The following NEGR1 variants were observed in gnomAD, a reference collection of about 807,000 sequenced individuals.
NEGR1 encodes the protein neuronal growth regulator 1, also known as IgLON family member 4.
NEGR1 carries 10 observed loss-of-function variants against 40.9 expected under a neutral mutation model. The observed-to-expected ratio is 0.24, with a 90% confidence interval of 0.15 to 0.42. The LOEUF (loss-of-function observed/expected upper bound fraction) is 0.42. Among genes scored for constraint, NEGR1 ranks in the 10% least tolerant of loss-of-function variants. The probability of loss-of-function intolerance (pLI) is 1.00; values close to 1 mark genes in which losing one functional copy is unlikely to be tolerated. For synonymous variants in NEGR1, 185 were observed against 166.8 expected, an observed-to-expected ratio of 1.11 and a Z score of -0.84; for missense variants, 352 against 438.9, an observed-to-expected ratio of 0.80 and a Z score of 1.77.
intron 1 of NEGR1, among the ~76,000 whole-genome samples, chr1:72,050,371 G>T (rs1647047545): frequency 6.6e-6 from 1 of 151,332 alleles, no homozygotes; most frequent in Non-Finnish European, 1.5e-5. Context: ...TTATAAAATT[G>T]TGTAACCTGC....
chr1:71,921,982 C>T (rs946334196), intron 2 of NEGR1, among the ~76,000 whole-genome samples: 5 of 151,914 alleles, frequency 3.3e-5, no homozygotes, highest in East Asian at 1.9e-4. Context: ...TTTTTACATA[C>T]GTGATGAAAG....
At chr1:71,441,309 T>C (rs1487495137) in intron 6 of NEGR1, among the ~76,000 whole-genome samples, 5 of 152,224 alleles carry the variant, frequency 3.3e-5, no homozygotes, top group Non-Finnish European at 5.9e-5. Context: ...CCCAATCTTT[T>C]AGCTTTCCTT....
chr1:71,503,361 T>C (rs1181375045), intron 6 of NEGR1, among the ~76,000 whole-genome samples: 1 of 152,018 alleles, frequency 6.6e-6, no homozygotes, highest in Admixed American at 6.6e-5. Flanking sequence ...AAGAGCCTAG[T>C]AAAAAGCCCT....
At chr1:71,694,666 G>A (rs1176259518) in intron 4 of NEGR1, among the ~76,000 whole-genome samples, 1 of 151,708 alleles carries the variant, frequency 6.6e-6, no homozygotes, top group Admixed American at 6.6e-5. Context: ...TATAGTGAAC[G>A]TGGAAGGTGT....
intron 6 of NEGR1, among the ~76,000 whole-genome samples, chr1:71,479,651 G>T (rs904746742): frequency 6.6e-6 from 1 of 151,814 alleles, no homozygotes; most frequent in Non-Finnish European, 1.5e-5. Flanking sequence ...AACTGTTTTC[G>T]CACCAATCCC....
At chr1:71,846,604 T>G (rs1557675315) in intron 2 of NEGR1, among the ~76,000 whole-genome samples, 1 of 152,174 alleles carries the variant, frequency 6.6e-6, no homozygotes, top group Non-Finnish European at 1.5e-5. Context: ...CTCTCTTTTC[T>G]TTACCACCCT....
intron 3 of NEGR1, among the ~76,000 whole-genome samples, chr1:71,706,431 G>A (rs1048652530): frequency 6.6e-6 from 1 of 151,960 alleles, no homozygotes; most frequent in Non-Finnish European, 1.5e-5. Flanking sequence ...ACTCTTAGGT[G>A]AGTCCTAGGG....
intron 1 of NEGR1, among the ~76,000 whole-genome samples, chr1:72,091,322 T>C (rs1020006530): frequency 1.3e-5 from 2 of 151,886 alleles, no homozygotes; most frequent in Admixed American, 1.3e-4. Context: ...TCTTTTTTCT[T>C]CCTCCACCAC....
At chr1:71,457,887 A>G (rs1646685091) in intron 6 of NEGR1, among the ~76,000 whole-genome samples, 1 of 152,094 alleles carries the variant, frequency 6.6e-6, no homozygotes, top group Admixed American at 6.5e-5. Context: ...TATTTTTAGT[A>G]GAGACGGGGT....
chr1:72,035,208 G>A (rs531796557), intron 1 of NEGR1, among the ~76,000 whole-genome samples: 1 of 152,242 alleles, frequency 6.6e-6, no homozygotes, highest in East Asian at 1.9e-4. Flanking sequence ...GCAAACCGGA[G>A]ACCCTCTCTC....
At chr1:71,473,618 A>G (rs1646797948) in intron 6 of NEGR1, among the ~76,000 whole-genome samples, 1 of 152,116 alleles carries the variant, frequency 6.6e-6, no homozygotes, top group East Asian at 1.9e-4. Flanking sequence ...TACTACAGAT[A>G]GGGAGTTTTT....
At chr1:71,430,299 C>G (rs1305589638) in intron 6 of NEGR1, among the ~76,000 whole-genome samples, 1 of 152,136 alleles carries the variant, frequency 6.6e-6, no homozygotes, top group East Asian at 1.9e-4. Context: ...TGTATTGCCT[C>G]TATAAACCTC....
At chr1:71,861,964 C>T (rs1182118204) in intron 2 of NEGR1, among the ~76,000 whole-genome samples, 1 of 152,078 alleles carries the variant, frequency 6.6e-6, no homozygotes, top group Non-Finnish European at 1.5e-5. Flanking sequence ...ACTTTTTGCA[C>T]ACACAGGAGT....
chr1:72,159,251 T>A (rs1000924338), intron 1 of NEGR1, among the ~76,000 whole-genome samples: 42 of 152,128 alleles, frequency 2.8e-4, no homozygotes, highest in African/African-American at 9.7e-4. Context: ...TTTGCAATAG[T>A]CTCCTTGCCG....
chr1:71,413,195 C>G (rs1646334497), intron 6 of NEGR1, among the ~76,000 whole-genome samples: 1 of 152,112 alleles, frequency 6.6e-6, no homozygotes, highest in African/African-American at 2.4e-5. Flanking sequence ...GTGTTGTTAT[C>G]TATAAACCAC....
At chr1:71,647,621 G>A (rs777037875) in intron 4 of NEGR1, among the ~76,000 whole-genome samples, 17 of 151,874 alleles carry the variant, frequency 1.1e-4, no homozygotes, top group Admixed American at 2.0e-4. Context: ...ACCATTCAAC[G>A]ATTCAAGTGA....
intron 3 of NEGR1, among the ~76,000 whole-genome samples, chr1:71,738,765 T>A (rs923473821): frequency 6.6e-6 from 1 of 152,078 alleles, no homozygotes; most frequent in Non-Finnish European, 1.5e-5. Context: ...CACTGATATG[T>A]CTTATATTTT....
intron 1 of NEGR1, among the ~76,000 whole-genome samples, chr1:72,037,527 T>C (rs1010858367): frequency 6.6e-6 from 1 of 152,154 alleles, no homozygotes; most frequent in Non-Finnish European, 1.5e-5. Flanking sequence ...AATTGTGCTG[T>C]AGAAATTCTT....
intron 1 of NEGR1, among the ~76,000 whole-genome samples, chr1:72,143,914 A>ATATATATAATATATATATATAT (rs1491498187): frequency 3.8e-5 from 5 of 130,600 alleles, no homozygotes; most frequent in African/African-American, 1.5e-4. Context: ...TGATATATAT[A>ATATATATAATATATATATATAT]ATATATATAT....
Sources: gnomAD v4.1 joint callset for allele counts (sites outside exome capture counted in the v4.1 genomes callset) on GRCh38, gnomAD v4.1.1 for gene constraint, MANE v1.5 for transcripts, NCBI Gene and HGNC (gene_info 2026-07-23, HGNC 2026-07-21) for gene names.